The following WWOX variants were observed in gnomAD, a reference collection of about 807,000 sequenced individuals.
WWOX encodes WW domain containing oxidoreductase.
Under a neutral mutation model 46.2 loss-of-function variants are expected in WWOX, and 69 were observed. That is an observed-to-expected ratio of 1.49 (90% CI 1.23 to 1.82). The LOEUF (loss-of-function observed/expected upper bound fraction) is 1.82. WWOX is among the 40% of genes most tolerant of loss of function. The pLI is 0.00. For synonymous variants in WWOX, 359 were observed against 202.6 expected, an observed-to-expected ratio of 1.77 and a Z score of -6.56; for missense variants, 919 against 542.6, an observed-to-expected ratio of 1.69 and a Z score of -6.89.
chr16:78,831,404 A>C (rs907245102), intron 8 of WWOX, among the ~76,000 whole-genome samples: 1 of 152,238 alleles, frequency 6.6e-6, no homozygotes, highest in African/African-American at 2.4e-5. Flanking sequence ...GTTCATGTAA[A>C]TGTAAAAATG....
At chr16:78,398,220 G>C (rs1440346732) in intron 6 of WWOX, among the ~76,000 whole-genome samples, 1 of 152,146 alleles carries the variant, frequency 6.6e-6, no homozygotes, top group Non-Finnish European at 1.5e-5. Flanking sequence ...CCTGCAAATA[G>C]CTACACTTCC....
Position 79,002,390 on chromosome 16 carries a change from G to C in WWOX, c.1057-209218G>C, listed in dbSNP as rs1323683959. ...AGGTGCACACCACCATGCCCGGCTA[G>C]TTTTTGTATTTTTAGTAGAGACAGG... On this transcript the variant is annotated intron_variant, in intron 8 of 8. Coordinates refer to ENST00000566780, the MANE Select transcript of WWOX (RefSeq NM_016373.4). Among the ~76,000 whole-genome samples the C allele has an allele frequency of 2.6e-5, 4 of 151,674 alleles. 1 individual carries two copies. Among genetic ancestry groups the C allele is most frequent in the African/African-American group, 4.8e-5 (2 of 41,290 alleles).
chr16:78,394,578 A>C (rs899338986), intron 6 of WWOX, among the ~76,000 whole-genome samples: 4 of 152,220 alleles, frequency 2.6e-5, no homozygotes, highest in Non-Finnish European at 4.4e-5. Flanking sequence ...CTCTCTTCCC[A>C]AAAACATCAA....
At chr16:79,208,407 C>T (rs2051594571) in intron 8 of WWOX, among the ~76,000 whole-genome samples, 1 of 151,922 alleles carries the variant, frequency 6.6e-6, no homozygotes, top group African/African-American at 2.4e-5. Context: ...TTTAGGGGAA[C>T]CCATAGCTCC....
At chr16:79,192,805 C>T (rs1483488499) in intron 8 of WWOX, among the ~76,000 whole-genome samples, 2 of 152,180 alleles carry the variant, frequency 1.3e-5, no homozygotes, top group Non-Finnish European at 1.5e-5. Flanking sequence ...ACATTTGAAT[C>T]GCAACTCTGT....
At chr16:79,044,838 G>T in intron 8 of WWOX, among the ~76,000 whole-genome samples, 1 of 152,284 alleles carries the variant, frequency 6.6e-6, no homozygotes, top group South Asian at 2.1e-4. Flanking sequence ...CCACTTAACA[G>T]CTCTGTGACC....
intron 8 of WWOX, among the ~76,000 whole-genome samples, chr16:78,947,374 TC>T (rs11371029): frequency 6.6e-5 from 10 of 151,476 alleles, no homozygotes; most frequent in East Asian, 1.9e-4. Context: ...ATTTTTCTCT[TC>T]CCCCCCTTAG....
chr16:78,941,115 A>G (rs2045842913), intron 8 of WWOX, among the ~76,000 whole-genome samples: 1 of 152,134 alleles, frequency 6.6e-6, no homozygotes, highest in Non-Finnish European at 1.5e-5. Context: ...ATCCTCTTCT[A>G]GAAAGCGTTC....
At chr16:78,807,102 T>C (rs2051061283) in intron 8 of WWOX, among the ~76,000 whole-genome samples, 2 of 152,184 alleles carry the variant, frequency 1.3e-5, no homozygotes, top group Non-Finnish European at 1.5e-5. Context: ...GACTGGATGC[T>C]CAATAAGTCT....
At chr16:78,813,880 C>T (rs904812878) in intron 8 of WWOX, among the ~76,000 whole-genome samples, 1 of 152,192 alleles carries the variant, frequency 6.6e-6, no homozygotes, top group Non-Finnish European at 1.5e-5. Context: ...CATGTAGCTG[C>T]TTGCCTGAGC....
intron 8 of WWOX, among the ~76,000 whole-genome samples, chr16:78,942,076 T>C (rs1161054557): frequency 1.3e-5 from 2 of 152,172 alleles, no homozygotes; most frequent in Admixed American, 1.3e-4. Context: ...TACTCTTTAG[T>C]ATGCCCAAGT....
intron 8 of WWOX, among the ~76,000 whole-genome samples, chr16:78,473,416 C>T (rs2084278218): frequency 6.6e-6 from 1 of 152,152 alleles, no homozygotes; most frequent in Non-Finnish European, 1.5e-5. Flanking sequence ...AGACATGAGC[C>T]GACCTTTTTA....
chr16:78,926,094 T>C (rs146572955), intron 8 of WWOX, among the ~76,000 whole-genome samples: 23 of 152,234 alleles, frequency 1.5e-4, no homozygotes, highest in Non-Finnish European at 2.1e-4. Context: ...TTACAGCCAA[T>C]TGTAGAACCC....
chr16:78,152,374 C>A (rs2161637), intron 4 of WWOX, among the ~76,000 whole-genome samples: 1 of 147,488 alleles, frequency 6.8e-6, no homozygotes, highest in Non-Finnish European at 1.5e-5. Context: ...ACTGAATATT[C>A]CTCCCACATA....
intron 8 of WWOX, among the ~76,000 whole-genome samples, chr16:79,019,190 A>AAGAG (rs2047481207): frequency 6.7e-6 from 1 of 149,190 alleles, no homozygotes; most frequent in South Asian, 2.1e-4. Context: ...AAAAAAGAAA[A>AAGAG]AAAAAAGTTG....
chr16:78,943,836 G>A (rs1171167032), intron 8 of WWOX, among the ~76,000 whole-genome samples: 2 of 152,080 alleles, frequency 1.3e-5, no homozygotes, highest in African/African-American at 2.4e-5. Flanking sequence ...ATGGCTCCCC[G>A]ATGTCCCGAA....
intron 8 of WWOX, among the ~76,000 whole-genome samples, chr16:78,889,379 A>C (rs1228530530): frequency 8.7e-6 from 1 of 115,344 alleles, no homozygotes; most frequent in African/African-American, 3.4e-5. Flanking sequence ...ACTATGGATC[A>C]GCAGCCTAAA....
At chr16:79,175,573 G>C (rs546465302) in intron 8 of WWOX, among the ~76,000 whole-genome samples, 2 of 152,278 alleles carry the variant, frequency 1.3e-5, no homozygotes, top group African/African-American at 4.8e-5. Context: ...AAGAATCCCA[G>C]GGAGTGGAAA....
chr16:78,863,554 G>A (rs1041534382), intron 8 of WWOX, among the ~76,000 whole-genome samples: 5 of 152,098 alleles, frequency 3.3e-5, no homozygotes, highest in Admixed American at 2.0e-4. Flanking sequence ...GTGATCTTTC[G>A]GCATTGTGGC....
Sources: gnomAD v4.1 joint callset for allele counts (sites outside exome capture counted in the v4.1 genomes callset) on GRCh38, gnomAD v4.1.1 for gene constraint, MANE v1.5 for transcripts, NCBI Gene and HGNC (gene_info 2026-07-23, HGNC 2026-07-21) for gene names.